Variants in RARB observed in about 807,000 individuals in gnomAD.
RARB encodes the protein HBV-activated protein.
Under a neutral mutation model 51.9 loss-of-function variants are expected in RARB, and 17 were observed. The observed-to-expected ratio is 0.33, with a 90% CI of 0.22 to 0.49. RARB has a LOEUF of 0.49. Among genes scored for constraint, RARB ranks in the 20% least tolerant of loss-of-function variants. The pLI, the probability that RARB is intolerant of heterozygous loss-of-function variation, is 0.99. For missense variants in RARB, 369 were observed against 550.8 expected, an observed-to-expected ratio of 0.67 and a Z score of 3.30; for synonymous variants, 215 against 195.4, an observed-to-expected ratio of 1.10 and a Z score of -0.84.
chr3:25,298,637 A>G (rs982853411), intron 5 of RARB, among the ~76,000 whole-genome samples: 1 of 152,168 alleles, frequency 6.6e-6, no homozygotes, highest in Non-Finnish European at 1.5e-5. Flanking sequence ...GATTCCAGCA[A>G]TCTTCCTCCT....
At chr3:25,507,341 A>C (rs1185727911) in intron 3 of RARB, among the ~76,000 whole-genome samples, 1 of 152,214 alleles carries the variant, frequency 6.6e-6, no homozygotes, top group African/African-American at 2.4e-5. Flanking sequence ...AGGCAAAACA[A>C]TTCTAGGTGT....
chr3:25,264,561 T>C (rs1703081716), intron 5 of RARB, among the ~76,000 whole-genome samples: 1 of 152,202 alleles, frequency 6.6e-6, no homozygotes, highest in Admixed American at 6.5e-5. Context: ...CATATTGCTT[T>C]ATTTTCAGTA....
At chr3:25,049,162 C>A (rs1002162152) in intron 2 of RARB, among the ~76,000 whole-genome samples, 1 of 152,066 alleles carries the variant, frequency 6.6e-6, no homozygotes, top group African/African-American at 2.4e-5. Flanking sequence ...TAGGCTAGGT[C>A]GAAGTATCTC....
intron 2 of RARB, among the ~76,000 whole-genome samples, chr3:25,010,560 A>G (rs926210100): frequency 2.6e-5 from 4 of 152,038 alleles, no homozygotes; most frequent in South Asian, 2.1e-4. Flanking sequence ...TATTGTAGGG[A>G]CTCACACTCA....
chr3:25,333,935 C>A (rs1684862164), intron 5 of RARB, among the ~76,000 whole-genome samples: 1 of 152,162 alleles, frequency 6.6e-6, no homozygotes. Flanking sequence ...AAATGCTCAT[C>A]ATCACTGGCC....
chr3:25,591,993 C>A (rs1313273995), intron 5 of RARB, among the ~76,000 whole-genome samples: 1 of 152,200 alleles, frequency 6.6e-6, no homozygotes, highest in Admixed American at 6.5e-5. Context: ...GTGGATCCAC[C>A]ACCAGTCAGA....
chr3:25,355,889 A>G (rs1045195453), intron 5 of RARB, among the ~76,000 whole-genome samples: 18 of 152,236 alleles, frequency 1.2e-4, no homozygotes, highest in Middle Eastern at 6.8e-3. Context: ...TTATTTTTTT[A>G]TGGGATGCGT....
At chr3:24,909,443 T>A (rs761549093) in intron 2 of RARB, among the ~76,000 whole-genome samples, 1 of 152,180 alleles carries the variant, frequency 6.6e-6, no homozygotes, top group Non-Finnish European at 1.5e-5. Context: ...CGCGGGTGAA[T>A]GCAGTGAGCT....
chr3:25,405,213 G>T (rs1435650335), intron 5 of RARB, among the ~76,000 whole-genome samples: 1 of 152,128 alleles, frequency 6.6e-6, no homozygotes, highest in Non-Finnish European at 1.5e-5. Flanking sequence ...TGAGCCACAA[G>T]ATTGACAAAT....
intron 4 of RARB, among the ~76,000 whole-genome samples, chr3:25,171,202 C>G (rs986013806): frequency 2.0e-5 from 3 of 152,004 alleles, no homozygotes. Context: ...TCCTGTCTTC[C>G]ACTCAGCTCC....
chr3:25,415,856 C>T (rs544872830), intron 5 of RARB, among the ~76,000 whole-genome samples: 7 of 152,272 alleles, frequency 4.6e-5, no homozygotes, highest in Admixed American at 4.6e-4. Context: ...GTTCTAATTA[C>T]TGGGATCATA....
chr3:24,928,584 C>G (rs1472583068), intron 2 of RARB, among the ~76,000 whole-genome samples: 2 of 151,914 alleles, frequency 1.3e-5, no homozygotes, highest in African/African-American at 4.8e-5. Flanking sequence ...TCTGAAAGTT[C>G]TTTTTTGTGG....
intron 4 of RARB, among the ~76,000 whole-genome samples, chr3:25,137,321 A>T (rs1028967943): frequency 2.6e-5 from 4 of 152,076 alleles, no homozygotes; most frequent in African/African-American, 9.7e-5. Flanking sequence ...ATTTTAAGAT[A>T]TATTTTCATT....
intron 2 of RARB, among the ~76,000 whole-genome samples, chr3:24,934,217 G>A (rs1695502530): frequency 6.6e-6 from 1 of 152,062 alleles, no homozygotes; most frequent in Non-Finnish European, 1.5e-5. Context: ...ATTTCATTGT[G>A]GCTCTTCCTA....
At chr3:25,165,154 A>C (rs1371545756) in intron 4 of RARB, among the ~76,000 whole-genome samples, 2 of 152,164 alleles carry the variant, frequency 1.3e-5, no homozygotes, top group African/African-American at 4.8e-5. Context: ...CACCGGCCTC[A>C]CAATGTCTAG....
intron 2 of RARB, among the ~76,000 whole-genome samples, chr3:24,949,433 C>T (rs1055970973): frequency 3.3e-5 from 5 of 152,068 alleles, no homozygotes; most frequent in Non-Finnish European, 7.4e-5. Flanking sequence ...AATCGAAGAT[C>T]AAATAGGAGG....
chr3:25,246,122 G>A (rs1702554328), intron 5 of RARB, among the ~76,000 whole-genome samples: 1 of 151,922 alleles, frequency 6.6e-6, no homozygotes, highest in Admixed American at 6.6e-5. Context: ...GCTATTGATA[G>A]TTGTGTATGC....
chr3:25,288,768 C>CTT (rs11457654), intron 5 of RARB, among the ~76,000 whole-genome samples: 5,890 of 151,472 alleles, frequency 0.039, 155 homozygotes, highest in Middle Eastern at 0.071. Context: ...CTCTTCTGTT[C>CTT]TTTTTTTTTC....
At chr3:25,463,147 A>G (rs2125557879) in intron 2 of RARB, among the ~76,000 whole-genome samples, 1 of 152,230 alleles carries the variant, frequency 6.6e-6, no homozygotes, top group East Asian at 1.9e-4. Context: ...TGCTGGGAAT[A>G]CAGGTGTGAG....
Sources: allele counts gnomAD v4.1 joint callset (sites outside exome capture counted in the v4.1 genomes callset), GRCh38; gene constraint gnomAD v4.1.1; transcripts MANE v1.5; gene names NCBI Gene and HGNC (gene_info 2026-07-23, HGNC 2026-07-21).